TMC5: variants seen among roughly 807,000 people sequenced by gnomAD.
TMC5 encodes transmembrane channel like 5.
A neutral mutation model predicts 110.5 loss-of-function variants in TMC5; 86 were observed. That is an observed-to-expected ratio of 0.78 (90% CI 0.65 to 0.93). The LOEUF (loss-of-function observed/expected upper bound fraction) is 0.93. Among genes scored for constraint, TMC5 ranks in the 40% least tolerant of loss-of-function variants. The pLI, the probability that TMC5 is intolerant of heterozygous loss-of-function variation, is 0.00. For missense variants in TMC5, 1,144 were observed against 1,222.8 expected (o/e 0.94, Z 0.96); for synonymous variants, 455 against 439.5 (o/e 1.04, Z -0.44).
At chr16:19,478,269 C>G (rs1337409823) in intron 13 of TMC5, among the ~76,000 whole-genome samples, 2 of 152,170 alleles carry the variant, frequency 1.3e-5, no homozygotes, top group African/African-American at 4.8e-5. Context: ...AGTCAGGAAT[C>G]AGGAGTCTCT....
At chr16:19,452,526 G>A (rs1239370024) in intron 5 of TMC5, among the ~76,000 whole-genome samples, 1 of 151,952 alleles carries the variant, frequency 6.6e-6, no homozygotes, top group Non-Finnish European at 1.5e-5. Flanking sequence ...ATACCAGCCT[G>A]GCCAACATGG....
chr16:19,453,264 A>G (rs1392357663), intron 5 of TMC5, among the ~76,000 whole-genome samples: 2 of 152,108 alleles, frequency 1.3e-5, no homozygotes, highest in East Asian at 3.9e-4. Context: ...GAACAGCCTG[A>G]GCAACACAGT....
chr16:19,425,442 T>G lies in TMC5; in HGVS notation c.-307-4971T>G, dbSNP rs142272193. On this transcript the variant is annotated intron_variant, in intron 1 of 21. Transcript: ENST00000542583. ...ACAGCTTTTAGAGGATTGCTTGTTT[T>G]GGAGTTTCTATTTGTCTTTGTTTTT... Among the ~76,000 whole-genome samples the G allele has an allele frequency of 5.0e-3, 764 of 152,138 alleles. 2 individuals carry two copies. Among genetic ancestry groups the G allele is most frequent in the Non-Finnish European group, 8.4e-3 (570 of 68,002 alleles).
At chr16:19,426,218 C>T (rs190868982) in intron 1 of TMC5, among the ~76,000 whole-genome samples, 8 of 152,286 alleles carry the variant, frequency 5.3e-5, no homozygotes, top group East Asian at 3.9e-4. Context: ...TAAAGAGCTA[C>T]GCTTCTGACC....
At chr16:19,493,463 C>CTCTCTT (rs748855852) in intron 19 of TMC5, among the ~76,000 whole-genome samples, 2 of 58,016 alleles carry the variant, frequency 3.4e-5, no homozygotes, top group Non-Finnish European at 7.7e-5. Context: ...CTCTCTCTCT[C>CTCTCTT]TCTTTTTTTT....
chr16:19,490,621 A>C, intron 18 of TMC5, 53 bp downstream of exon 18: 1 of 1,585,760 alleles, frequency 6.3e-7, no homozygotes, highest in Non-Finnish European at 8.7e-7. Context: ...CTCTCGAGGG[A>C]AACAGCAGTA....
intron 2 of TMC5, among the ~76,000 whole-genome samples, chr16:19,431,649 G>A (rs1967199622): frequency 6.6e-6 from 1 of 152,056 alleles, no homozygotes; most frequent in Non-Finnish European, 1.5e-5. Context: ...CTTGGTGCTG[G>A]TCAATTTGCT....
chr16:19,485,885 T>A lies in TMC5; in HGVS notation c.2364-1060T>A, dbSNP rs145602266. 3.1e-3 allele frequency among the ~76,000 whole-genome samples: 474 copies of A among 152,328 alleles called. 4 individuals carry two copies. Among genetic ancestry groups the A allele is most frequent in the African/African-American group, 0.011 (446 of 41,572 alleles). On this transcript the variant is annotated intron_variant, in intron 15 of 21. Coordinates refer to ENST00000542583, the MANE Select transcript of TMC5 (RefSeq NM_001261841.2). ...AGGGAATGCCTTTCTCATTTGGAACTCAGTGCTATTCAGTGCCTTGTCCCT... is the reference window on the plus strand; with the variant it reads ...AGGGAATGCCTTTCTCATTTGGAACACAGTGCTATTCAGTGCCTTGTCCCT...
chr16:19,413,018 A>AT (rs368332785), upstream of TMC5, among the ~76,000 whole-genome samples: 595 of 151,644 alleles, frequency 3.9e-3, 5 homozygotes, highest in African/African-American at 0.014. Context: ...TGATTTTTTA[A>AT]TTTTTTGTAG....
chr16:19,452,863 C>A (rs1266720242), intron 5 of TMC5, among the ~76,000 whole-genome samples: 2 of 151,898 alleles, frequency 1.3e-5, no homozygotes, highest in Non-Finnish European at 2.9e-5. Context: ...TGGAATCCTG[C>A]CTTGGGGAGA....
intron 5 of TMC5, among the ~76,000 whole-genome samples, chr16:19,451,764 C>T (rs1967754226): frequency 6.6e-6 from 1 of 151,964 alleles, no homozygotes; most frequent in African/African-American, 2.4e-5. Context: ...TCCTTCAGAC[C>T]CCAGCCACAT....
intron 19 of TMC5, among the ~76,000 whole-genome samples, chr16:19,492,928 A>C (rs1968947313): frequency 8.7e-6 from 1 of 114,416 alleles, no homozygotes; most frequent in African/African-American, 2.9e-5. Flanking sequence ...ATATATATAT[A>C]TATATCTCTC....
intron 14 of TMC5, among the ~76,000 whole-genome samples, chr16:19,480,998 G>A (rs1968605806): frequency 6.6e-6 from 1 of 151,986 alleles, no homozygotes; most frequent in South Asian, 2.1e-4. Flanking sequence ...ATTTAAAAAT[G>A]TTTATTTGAG....
At position 19,454,117 on chromosome 16, in the gene TMC5, G is replaced by A. The variant is rs1055857959; in HGVS notation, c.1048+4486G>A. On this transcript the variant is annotated intron_variant, in intron 5 of 21. Coordinates refer to ENST00000542583, the MANE Select transcript of TMC5 (RefSeq NM_001261841.2). ...GGCTGGAGTGGAGTGGAGTGACCTC[G>A]GCTCACTGCAACCTCTACCTCCTGA... is the stretch of plus-strand genomic sequence containing the variant. Among the ~76,000 whole-genome samples the A allele has an allele frequency of 2.6e-5, 4 of 151,946 alleles. No homozygotes were observed. In the East Asian group the frequency reaches 7.8e-4, roughly 29 times the overall value.
chr16:19,425,849 G>T (rs987362956), intron 1 of TMC5, among the ~76,000 whole-genome samples: 29 of 152,226 alleles, frequency 1.9e-4, no homozygotes, highest in African/African-American at 7.0e-4. Context: ...ACCACGCTCA[G>T]CTCATTTTTG....
chr16:19,459,140 T>C (rs551884513), intron 5 of TMC5, among the ~76,000 whole-genome samples: 2 of 152,120 alleles, frequency 1.3e-5, no homozygotes, highest in South Asian at 4.2e-4. Flanking sequence ...CACATGCCTG[T>C]GCTTAAACCA....
intron 12 of TMC5, chr16:19,476,797 A>C (rs1463991015): frequency 6.5e-6 from 1 of 153,132 alleles, no homozygotes; most frequent in Non-Finnish European, 1.5e-5. Flanking sequence ...TTATATACAC[A>C]GTGTGGATTA....
intron 17 of TMC5, among the ~76,000 whole-genome samples, chr16:19,489,765 G>A (rs549000458): frequency 4.0e-5 from 6 of 150,926 alleles, no homozygotes; most frequent in African/African-American, 9.7e-5. Flanking sequence ...AATTGCAGGC[G>A]AGCCACCATA....
At chr16:19,481,491 C>G in intron 15 of TMC5, 26 bp downstream of exon 15, 1 of 1,491,558 alleles carries the variant, frequency 6.7e-7, no homozygotes, top group Non-Finnish European at 9.4e-7. Flanking sequence ...CAGCAAAATG[C>G]CCAGTGGTTC....
Sources: gnomAD v4.1 joint callset for allele counts (sites outside exome capture counted in the v4.1 genomes callset) on GRCh38, gnomAD v4.1.1 for gene constraint, MANE v1.5 for transcripts, NCBI Gene and HGNC (gene_info 2026-07-23, HGNC 2026-07-21) for gene names.